TENT4A: variants seen among roughly 807,000 people sequenced by gnomAD.
TENT4A encodes the protein terminal nucleotidyltransferase 4A.
TENT4A carries 7 observed loss-of-function variants against 72.8 expected under a neutral mutation model. That is an observed-to-expected ratio of 0.10 (90% CI 0.05 to 0.18). The LOEUF (loss-of-function observed/expected upper bound fraction) is 0.18. Among genes scored for constraint, TENT4A ranks in the 10% least tolerant of loss-of-function variants. The pLI, the probability that TENT4A is intolerant of heterozygous loss-of-function variation, is 1.00. For missense variants in TENT4A, 831 were observed against 1,017.7 expected (o/e 0.82, Z 2.50); for synonymous variants, 456 against 434.3 (o/e 1.05, Z -0.62).
At chr5:6,716,661 A>G (rs1320179543) in intron 1 of TENT4A, among the ~76,000 whole-genome samples, 3 of 152,152 alleles carry the variant, frequency 2.0e-5, no homozygotes, top group Admixed American at 2.0e-4. Flanking sequence ...ACTAAAGCCT[A>G]AAACTCAGCA....
intron 11 of TENT4A, among the ~76,000 whole-genome samples, chr5:6,752,114 T>C (rs1448483511): frequency 1.3e-5 from 2 of 152,238 alleles, no homozygotes; most frequent in Non-Finnish European, 2.9e-5. Flanking sequence ...TTTATGGTCA[T>C]CACAGTGGCC....
Position 6,741,482 on chromosome 5 carries a change from TC to T in TENT4A, c.1009-1006del, listed in dbSNP as rs1397799531. 1.6e-4 allele frequency among the ~76,000 whole-genome samples: 25 copies of T among 152,306 alleles called. No individual in the cohort carries two copies. In the South Asian group the frequency reaches 5.2e-3, roughly 32 times the overall value. On this transcript the variant is annotated intron_variant, in intron 4 of 12. Coordinates refer to ENST00000230859, the MANE Select transcript of TENT4A (RefSeq NM_006999.6). The stretch of plus-strand genomic sequence containing the variant: ...TCTATGAGATGGAAAGGAAGCTGCT[TC>T]CTAAACTGTGGGTGTCAGGGAGGCA...
chr5:6,734,476 C>A (rs529892507), intron 1 of TENT4A, among the ~76,000 whole-genome samples: 2 of 152,330 alleles, frequency 1.3e-5, no homozygotes, highest in African/African-American at 2.4e-5. Context: ...CCTTGCTGGT[C>A]CCTGCTCTCC....
chr5:6,751,235 CT>C, intron 11 of TENT4A, 38 bp downstream of exon 11: 1 of 1,608,448 alleles, frequency 6.2e-7, no homozygotes, highest in Non-Finnish European at 8.5e-7. Flanking sequence ...CTGGTGGCCC[CT>C]GGGAACAGCA....
At chr5:6,752,230 C>T (rs1334866505) in intron 11 of TENT4A, among the ~76,000 whole-genome samples, 1 of 152,196 alleles carries the variant, frequency 6.6e-6, no homozygotes, top group Non-Finnish European at 1.5e-5. Flanking sequence ...CCACACTCTG[C>T]GGCTGCTTGT....
intron 1 of TENT4A, among the ~76,000 whole-genome samples, chr5:6,736,990 C>T (rs1741541202): frequency 6.6e-6 from 1 of 152,244 alleles, no homozygotes; most frequent in African/African-American, 2.4e-5. Flanking sequence ...TTGGGCAGAC[C>T]TGGGCCGCGG....
chr5:6,751,955 T>C (rs1481694606), intron 11 of TENT4A, among the ~76,000 whole-genome samples: 1 of 152,236 alleles, frequency 6.6e-6, no homozygotes, highest in Non-Finnish European at 1.5e-5. Flanking sequence ...TCTGGGATGC[T>C]GGCTCTGTAA....
chr5:6,735,863 C>T (rs1422133320), intron 1 of TENT4A, among the ~76,000 whole-genome samples: 7 of 151,498 alleles, frequency 4.6e-5, no homozygotes, highest in South Asian at 2.1e-4. Flanking sequence ...TGGGTTCAAG[C>T]GATTCTCCTG....
chr5:6,751,909 C>T (rs2126659065), intron 11 of TENT4A, among the ~76,000 whole-genome samples: 1 of 152,308 alleles, frequency 6.6e-6, no homozygotes, highest in East Asian at 1.9e-4. Context: ...CTGGGGAAGA[C>T]ATTCTCACAG....
chr5:6,744,100 T>C (rs1387650764), intron 6 of TENT4A, among the ~76,000 whole-genome samples: 4 of 152,208 alleles, frequency 2.6e-5, no homozygotes, highest in African/African-American at 4.8e-5. Flanking sequence ...CAGTCCAAGC[T>C]CAGGGAATTC....
chr5:6,751,135 A>G lies in TENT4A; in HGVS notation c.1957A>G (p.Met653Val), dbSNP rs766505435. ...GGCCGGCTTACCCACCGCCTTGCCAATGCCCAGTGGCAAACCTCAGCCCAC... is the reference window on the plus strand; with the variant it reads ...GGCCGGCTTACCCACCGCCTTGCCAGTGCCCAGTGGCAAACCTCAGCCCAC... Reference protein sequence around the residue: ...LMAGLPTALPMPSGKPQPTTS... With the variant: ...LMAGLPTALPVPSGKPQPTTS... The change falls in exon 11 of 13, where the codon ATG (methionine) becomes GTG (valine). Residue 653 changes from methionine (M) to valine (V), a missense_variant. Met to Val is a conservative substitution (Grantham distance 21, BLOSUM62 1). Coordinates refer to ENST00000230859, the MANE Select transcript of TENT4A (RefSeq NM_006999.6). The G allele has an allele frequency of 8.7e-6, 14 of 1,614,226 alleles. No homozygotes were observed. The highest frequency in any genetic ancestry group is 1.7e-5 in the Admixed American group (1 of 60,034).
intron 1 of TENT4A, among the ~76,000 whole-genome samples, chr5:6,735,950 AT>A (rs755871556): frequency 7.6e-4 from 115 of 152,160 alleles, no homozygotes; most frequent in Non-Finnish European, 1.3e-3. Context: ...TTTAGCAGAG[AT>A]GGGGTTTCAC....
intron 1 of TENT4A, 122 bp downstream of exon 1, chr5:6,714,821 C>A: frequency 2.4e-6 from 1 of 418,248 alleles, no homozygotes; most frequent in Non-Finnish European, 3.7e-6. Context: ...AGGCTAAGGC[C>A]AAGGCCCGAC....
At chr5:6,717,425 C>T (rs1191147649) in intron 1 of TENT4A, among the ~76,000 whole-genome samples, 1 of 152,218 alleles carries the variant, frequency 6.6e-6, no homozygotes, top group African/African-American at 2.4e-5. Context: ...TGCCTGGTAG[C>T]CCATGTGGCA....
At chr5:6,743,886 A>C in intron 6 of TENT4A, 46 bp downstream of exon 6, 1 of 1,592,594 alleles carries the variant, frequency 6.3e-7, no homozygotes, top group Non-Finnish European at 8.6e-7. Context: ...CATGTGTAAG[A>C]GTAGACTCTT....
At position 6,713,974 on chromosome 5, in the gene TENT4A, C is replaced by T. The variant is rs1034104757; in HGVS notation, c.-10C>T. On this transcript the variant is annotated 5_prime_UTR_variant, in exon 1 of 13. Coordinates refer to ENST00000230859, the MANE Select transcript of TENT4A (RefSeq NM_006999.6). Reference sequence around the variant, plus strand: ...GGCGGGCGCGCGGGCCCCGCGGGGGCGGCGCGTGGATGGATCCGCGCGTGG... The same window carrying T: ...GGCGGGCGCGCGGGCCCCGCGGGGGTGGCGCGTGGATGGATCCGCGCGTGG... 14 of 972,600 alleles carry T rather than the reference C, an allele frequency of 1.4e-5. No homozygotes were observed. Among genetic ancestry groups the T allele is most frequent in the Admixed American group, 6.4e-5 (1 of 15,698 alleles). The allele number at this position is 972,600 out of a possible 1,614,324, so 60.2% of individuals were successfully genotyped here.
At chr5:6,742,703 C>T (rs564166833) in intron 5 of TENT4A, 106 bp downstream of exon 5, 18 of 694,726 alleles carry the variant, frequency 2.6e-5, no homozygotes, top group Non-Finnish European at 4.3e-5. Context: ...ACAAGTCTTT[C>T]GTAACACAGA....
chr5:6,740,033 A>G (rs563696889), intron 4 of TENT4A, among the ~76,000 whole-genome samples, 181 bp downstream of exon 4: 5 of 152,322 alleles, frequency 3.3e-5, no homozygotes, highest in African/African-American at 1.2e-4. Context: ...AGTCGTGATC[A>G]CCAACTGAGA....
chr5:6,738,773 T>G, intron 3 of TENT4A, 44 bp downstream of exon 3: 1 of 1,384,938 alleles, frequency 7.2e-7, no homozygotes, highest in Non-Finnish European at 1.0e-6. Flanking sequence ...GGGGCTGGGA[T>G]GGTGTCTATG....
Sources: allele counts gnomAD v4.1 joint callset (sites outside exome capture counted in the v4.1 genomes callset), GRCh38; gene constraint gnomAD v4.1.1; transcripts MANE v1.5; gene names NCBI Gene and HGNC (gene_info 2026-07-23, HGNC 2026-07-21).